The following SLC24A2 variants were observed in gnomAD, a reference collection of about 807,000 sequenced individuals.
SLC24A2 encodes sodium/potassium/calcium exchanger 2.
Under a neutral mutation model 62.0 loss-of-function variants are expected in SLC24A2, and 36 were observed. That is an observed-to-expected ratio of 0.58 (90% CI 0.44 to 0.77). The LOEUF (loss-of-function observed/expected upper bound fraction) is 0.77, where lower values mean the gene tolerates loss of function less well. Ranked by LOEUF, SLC24A2 falls within the 30% of genes least tolerant of loss-of-function variation. The pLI, the probability that SLC24A2 is intolerant of heterozygous loss-of-function variation, is 0.00. For missense variants in SLC24A2, 846 were observed against 817.9 expected, an observed-to-expected ratio of 1.03 and a Z score of -0.42; for synonymous variants, 358 against 294.0, an observed-to-expected ratio of 1.22 and a Z score of -2.23.
At chr9:19,517,841 G>A (rs1469169020) in intron 10 of SLC24A2, among the ~76,000 whole-genome samples, 1 of 151,662 alleles carries the variant, frequency 6.6e-6, no homozygotes, top group East Asian at 1.9e-4. Flanking sequence ...CATTGACAGG[G>A]ACTTGGCCTG....
intron 2 of SLC24A2, among the ~76,000 whole-genome samples, chr9:19,754,880 C>A (rs894565711): frequency 3.3e-5 from 5 of 152,126 alleles, no homozygotes; most frequent in Non-Finnish European, 7.3e-5. Flanking sequence ...CGAGACATAG[C>A]ACACTGAGAC....
the SLC24A2 span, among the ~76,000 whole-genome samples, chr9:19,920,433 C>T: frequency 6.6e-6 from 1 of 152,100 alleles, no homozygotes; most frequent in African/African-American, 2.4e-5. Flanking sequence ...CAGATGTAGA[C>T]CCTGAGACAA....
chr9:19,929,820 A>AAGAC, the SLC24A2 span: 3 of 152,220 alleles, frequency 2.0e-5, no homozygotes, highest in Non-Finnish European at 2.9e-5. Context: ...GTAGAGGTGG[A>AAGAC]AGACAATTAT....
chr9:20,245,291 T>A, the SLC24A2 span, among the ~76,000 whole-genome samples: 38 of 152,260 alleles, frequency 2.5e-4, no homozygotes, highest in African/African-American at 7.7e-4. Context: ...GGGTTACCTA[T>A]GAAGGAGCAG....
At chr9:20,061,973 C>T in the SLC24A2 span, among the ~76,000 whole-genome samples, 1 of 152,180 alleles carries the variant, frequency 6.6e-6, no homozygotes, top group Non-Finnish European at 1.5e-5. Flanking sequence ...TGCTGGCTCA[C>T]ACCTGTAATC....
At chr9:19,716,083 C>G (rs1031416094) in intron 2 of SLC24A2, among the ~76,000 whole-genome samples, 1 of 152,174 alleles carries the variant, frequency 6.6e-6, no homozygotes, top group Non-Finnish European at 1.5e-5. Context: ...TATTTTAGAA[C>G]AGAGAAAGAT....
chr9:20,271,566 C>G, the SLC24A2 span, among the ~76,000 whole-genome samples: 85 of 152,334 alleles, frequency 5.6e-4, 1 homozygote, highest in African/African-American at 2.0e-3. Context: ...ACTCACAGCA[C>G]TGCTAGGTGC....
chr9:19,706,888 C>T (rs999808321), intron 2 of SLC24A2, among the ~76,000 whole-genome samples: 31 of 151,682 alleles, frequency 2.0e-4, no homozygotes, highest in South Asian at 1.7e-3. Context: ...TAGCGGAAGG[C>T]AAGAAATAAC....
the SLC24A2 span, among the ~76,000 whole-genome samples, chr9:20,040,024 G>T: frequency 6.6e-6 from 1 of 152,162 alleles, no homozygotes; most frequent in African/African-American, 2.4e-5. Context: ...ACTAACTTTT[G>T]ATTATAAAAT....
the SLC24A2 span, among the ~76,000 whole-genome samples, chr9:19,959,027 G>C: frequency 6.6e-6 from 1 of 152,152 alleles, no homozygotes; most frequent in Non-Finnish European, 1.5e-5. Flanking sequence ...ATAGCAACCA[G>C]TGTTCTGGTG....
At chr9:20,163,311 A>C in the SLC24A2 span, among the ~76,000 whole-genome samples, 2 of 152,288 alleles carry the variant, frequency 1.3e-5, no homozygotes, top group East Asian at 3.9e-4. Flanking sequence ...ATGTGCAAAA[A>C]TCACAAGCAT....
At chr9:19,559,882 C>T (rs951504922) in intron 7 of SLC24A2, among the ~76,000 whole-genome samples, 2 of 152,116 alleles carry the variant, frequency 1.3e-5, no homozygotes, top group Non-Finnish European at 2.9e-5. Flanking sequence ...AAAAATAGAA[C>T]ATTATACTTG....
At chr9:20,039,727 T>A in the SLC24A2 span, among the ~76,000 whole-genome samples, 1 of 151,952 alleles carries the variant, frequency 6.6e-6, no homozygotes, top group African/African-American at 2.4e-5. Flanking sequence ...TTGTAAGAAT[T>A]GGAGAATGAG....
At chr9:19,543,867 G>C (rs146710652) in intron 8 of SLC24A2, among the ~76,000 whole-genome samples, 1,888 of 152,240 alleles carry the variant, frequency 0.012, 32 homozygotes, top group East Asian at 0.044. Context: ...GTCCATTTTA[G>C]AATAAGTGCG....
chr9:20,223,541 G>A, the SLC24A2 span, among the ~76,000 whole-genome samples: 2 of 152,038 alleles, frequency 1.3e-5, no homozygotes, highest in African/African-American at 4.8e-5. Context: ...AGATCTTGAA[G>A]AACAAAATGA....
the SLC24A2 span, among the ~76,000 whole-genome samples, chr9:19,966,241 TGTG>T: frequency 2.0e-5 from 3 of 152,186 alleles, no homozygotes; most frequent in Non-Finnish European, 4.4e-5. Context: ...GGTTTTGGAT[TGTG>T]TCTAGCGTGG....
chr9:19,837,789 G>T, the SLC24A2 span, among the ~76,000 whole-genome samples: 1 of 151,922 alleles, frequency 6.6e-6, no homozygotes, highest in Admixed American at 6.6e-5. Flanking sequence ...CAAACAGAGA[G>T]CCAAATCATG....
the SLC24A2 span, among the ~76,000 whole-genome samples, chr9:19,932,983 G>A: frequency 6.6e-6 from 1 of 152,220 alleles, no homozygotes; most frequent in Non-Finnish European, 1.5e-5. Flanking sequence ...TGGACTCCTT[G>A]GAATTTTTCT....
In SLC24A2 at chr9:19,585,636, C is replaced by T. The variant is rs535073985; in HGVS notation, c.1130-8614G>A. ...ACTGAATCATGCATATCTACATCTA[C>T]ATTTATCTCTGTAGCTATAGCTGTC... On this transcript the variant is annotated intron_variant, in intron 5 of 10. Transcript: ENST00000341998. Among the ~76,000 whole-genome samples the T allele has an allele frequency of 4.6e-5, 7 of 152,286 alleles. No individual in the cohort carries two copies. The East Asian group carries it at 7.7e-4, about 17-fold the overall frequency.
Sources: gnomAD v4.1 joint callset for allele counts (sites outside exome capture counted in the v4.1 genomes callset) on GRCh38, gnomAD v4.1.1 for gene constraint, MANE v1.5 for transcripts, NCBI Gene and HGNC (gene_info 2026-07-23, HGNC 2026-07-21) for gene names.